Variants in ARFIP1 observed in about 807,000 individuals in gnomAD.
ARFIP1 encodes the protein ARF interacting protein 1.
ARFIP1 carries 24 observed loss-of-function variants against 42.5 expected under a neutral mutation model. The ratio of observed to expected loss-of-function variants is 0.57; its 90% CI spans 0.41 to 0.80. ARFIP1 has a LOEUF of 0.80. Ranked by LOEUF, ARFIP1 falls within the 30% of genes least tolerant of loss-of-function variation. ARFIP1 has a pLI of 0.00. For synonymous variants in ARFIP1, 141 were observed against 153.7 expected (o/e 0.92, Z 0.61); for missense variants, 354 against 434.0 (o/e 0.82, Z 1.64).
chr4:152,798,650 C>G (rs575092104), intron 1 of ARFIP1, among the ~76,000 whole-genome samples: 5 of 152,264 alleles, frequency 3.3e-5, no homozygotes, highest in Admixed American at 2.0e-4. Context: ...AAATCATTCC[C>G]TCCAGTGTAT....
intron 7 of ARFIP1, among the ~76,000 whole-genome samples, chr4:152,886,318 C>T (rs1185407288): frequency 3.3e-5 from 5 of 151,976 alleles, no homozygotes; most frequent in Non-Finnish European, 7.4e-5. Context: ...CATTACTTCT[C>T]CTACTGGATT....
At chr4:152,792,745 A>G (rs1011613369) in intron 1 of ARFIP1, among the ~76,000 whole-genome samples, 3 of 152,168 alleles carry the variant, frequency 2.0e-5, no homozygotes, top group Admixed American at 6.5e-5. Context: ...ACTCTCCCTC[A>G]CTAAAATTTG....
chr4:152,807,654 C>T (rs1729091498), intron 1 of ARFIP1, among the ~76,000 whole-genome samples: 1 of 150,496 alleles, frequency 6.6e-6, no homozygotes, highest in Admixed American at 6.6e-5. Context: ...TCTTTGCTGT[C>T]AGTCATTTGT....
intron 1 of ARFIP1, among the ~76,000 whole-genome samples, chr4:152,788,801 C>CTTTT (rs138189664): frequency 5.0e-4 from 57 of 113,356 alleles, no homozygotes; most frequent in East Asian, 7.5e-4. Flanking sequence ...TCCCCAATGT[C>CTTTT]TTTTTTTTTT....
At chr4:152,855,793 A>G (rs942098255) in intron 2 of ARFIP1, among the ~76,000 whole-genome samples, 3 of 152,196 alleles carry the variant, frequency 2.0e-5, no homozygotes, top group Non-Finnish European at 2.9e-5. Context: ...TAGGATTGCA[A>G]GAGTCCACAG....
chr4:152,889,776 AT>A (rs1736636934), intron 8 of ARFIP1, among the ~76,000 whole-genome samples: 1 of 58,008 alleles, frequency 1.7e-5, no homozygotes, highest in African/African-American at 1.2e-4. Flanking sequence ...ACTATATACT[AT>A]ATATACTATA....
chr4:152,829,735 A>T lies in ARFIP1; in HGVS notation c.93+9A>T, dbSNP rs767259177. ...AACATAGCTTTAATAGGGTAAGAAC[A>T]CTTTTCTTTCTCTTAATGCAAAGAA... is the stretch of plus-strand genomic sequence containing the variant. On this transcript the variant is annotated intron_variant, in intron 2 of 8. Coordinates refer to ENST00000353617, the MANE Select transcript of ARFIP1 (RefSeq NM_001025595.3). 3.8e-6 allele frequency: 6 copies of T among 1,570,080 alleles called. No homozygotes were observed. The highest frequency in any genetic ancestry group is 5.2e-6 in the Non-Finnish European group (6 of 1,154,632).
chr4:152,827,937 A>C (rs921262353), intron 1 of ARFIP1, among the ~76,000 whole-genome samples: 4 of 152,152 alleles, frequency 2.6e-5, no homozygotes, highest in Non-Finnish European at 4.4e-5. Flanking sequence ...GCCTCCCAAA[A>C]TGTTGGGATT....
chr4:152,818,767 G>C (rs4450906), intron 1 of ARFIP1, among the ~76,000 whole-genome samples: 98,945 of 152,010 alleles, frequency 0.65, 32,370 homozygotes, highest in Admixed American at 0.72. Flanking sequence ...TAGGACCTAG[G>C]TGGCTGCTGC....
chr4:152,817,476 G>A (rs1734703532), intron 1 of ARFIP1, among the ~76,000 whole-genome samples: 1 of 152,170 alleles, frequency 6.6e-6, no homozygotes, highest in African/African-American at 2.4e-5. Context: ...ATGAATCAAA[G>A]ACCTAAATGT....
At chr4:152,799,099 T>C (rs1731647142) in intron 1 of ARFIP1, among the ~76,000 whole-genome samples, 1 of 152,232 alleles carries the variant, frequency 6.6e-6, no homozygotes, top group African/African-American at 2.4e-5. Context: ...ATCTGTTTCA[T>C]ATCTAAATGA....
At chr4:152,834,458 A>G (rs924606229) in intron 2 of ARFIP1, among the ~76,000 whole-genome samples, 1 of 152,250 alleles carries the variant, frequency 6.6e-6, no homozygotes, top group African/African-American at 2.4e-5. Flanking sequence ...CCCAAGATAC[A>G]ATGGTAGTAC....
At chr4:152,838,462 G>T (rs1224704012) in intron 2 of ARFIP1, among the ~76,000 whole-genome samples, 1 of 152,080 alleles carries the variant, frequency 6.6e-6, no homozygotes, top group Admixed American at 6.5e-5. Context: ...GCAGTGTTTT[G>T]CAGTTTTCTT....
intron 7 of ARFIP1, among the ~76,000 whole-genome samples, chr4:152,885,831 T>C (rs763287113): frequency 1.5e-4 from 23 of 152,044 alleles, no homozygotes; most frequent in Non-Finnish European, 2.5e-4. Flanking sequence ...GTGTGCTTGC[T>C]TCTAGATACC....
chr4:152,889,806 ATAC>A (rs1736654738), intron 8 of ARFIP1, among the ~76,000 whole-genome samples: 1 of 114,340 alleles, frequency 8.7e-6, no homozygotes, highest in African/African-American at 3.5e-5. Context: ...ACTATACTAT[ATAC>A]TATATATATA....
Position 152,879,995 on chromosome 4 carries a change from A to G in ARFIP1, c.412-968A>G, listed in dbSNP as rs116331845. 6.9e-3 allele frequency among the ~76,000 whole-genome samples: 1,045 copies of G among 152,320 alleles called. 7 individuals are homozygous for G. Among genetic ancestry groups the G allele is most frequent in the Non-Finnish European group, 0.011 (771 of 68,014 alleles). ...CGAATGAAGTTGAGAGTAAAACATTAATACTAGGAAACTTATTTCCATGTG... is the reference window on the plus strand; with the variant it reads ...CGAATGAAGTTGAGAGTAAAACATTGATACTAGGAAACTTATTTCCATGTG... On this transcript the variant is annotated intron_variant, in intron 5 of 8. Transcript: ENST00000353617.
chr4:152,804,096 TATATTATATATAATATA>T, intron 1 of ARFIP1, among the ~76,000 whole-genome samples: 1 of 118,142 alleles, frequency 8.5e-6, no homozygotes, highest in African/African-American at 3.2e-5. Flanking sequence ...TAACGTAATA[TATATTATATATAATATA>T]ACATGTATTA....
At chr4:152,807,044 G>T (rs1426374731) in intron 1 of ARFIP1, among the ~76,000 whole-genome samples, 2 of 152,010 alleles carry the variant, frequency 1.3e-5, no homozygotes, top group Non-Finnish European at 2.9e-5. Flanking sequence ...TCGCTATGTT[G>T]CCCAGTTTGG....
chr4:152,860,373 A>T (rs924518105), intron 2 of ARFIP1, among the ~76,000 whole-genome samples: 2 of 152,046 alleles, frequency 1.3e-5, no homozygotes, highest in African/African-American at 4.8e-5. Context: ...GCTAGGTATT[A>T]TTTTTTTGAA....
Sources: gnomAD v4.1 joint callset for allele counts (sites outside exome capture counted in the v4.1 genomes callset) on GRCh38, gnomAD v4.1.1 for gene constraint, MANE v1.5 for transcripts, NCBI Gene and HGNC (gene_info 2026-07-23, HGNC 2026-07-21) for gene names.